DLGAP5: variants seen among roughly 807,000 people sequenced by gnomAD.
DLGAP5 encodes disks large-associated protein 5.
DLGAP5 carries 90 observed loss-of-function variants against 99.6 expected under a neutral mutation model. That is an observed-to-expected ratio of 0.90 (90% CI 0.76 to 1.08). The LOEUF is 1.08. Ranked by LOEUF, DLGAP5 falls within the 50% of genes least tolerant of loss-of-function variation. The pLI is 0.00. For synonymous variants in DLGAP5, 311 were observed against 321.3 expected (o/e 0.97, Z 0.34); for missense variants, 1,036 against 983.5 (o/e 1.05, Z -0.71).
At chr14:55,186,013 G>C (rs1386838267) in intron 2 of DLGAP5, among the ~76,000 whole-genome samples, 8 of 152,212 alleles carry the variant, frequency 5.3e-5, no homozygotes, top group African/African-American at 1.9e-4. Context: ...GCTCACGCCT[G>C]TACTCCTAGC....
chr14:55,178,096 C>G (rs1188676388), intron 7 of DLGAP5, among the ~76,000 whole-genome samples: 1 of 151,136 alleles, frequency 6.6e-6, no homozygotes, highest in Non-Finnish European at 1.5e-5. Flanking sequence ...GCTAAAAATA[C>G]AAAAAATTAT....
intron 14 of DLGAP5, among the ~76,000 whole-genome samples, chr14:55,156,923 G>T (rs1208162044): frequency 6.6e-6 from 1 of 152,114 alleles, no homozygotes; most frequent in Non-Finnish European, 1.5e-5. Context: ...GAAATCTCCA[G>T]GAAGTAGAAG....
chr14:55,181,233 ACTTT>A lies in DLGAP5; in HGVS notation c.556_559del (p.Lys186CysfsTer12). The A allele has an allele frequency of 6.2e-7, 1 of 1,614,052 alleles. No homozygotes were observed. The highest frequency in any genetic ancestry group is 8.5e-7 in the Non-Finnish European group (1 of 1,179,970). ...CCTACCTTTTTTCTCTTTGTCTGACACTTTCTTTTCAGAAGTTTGTCTTGGACCA... is the reference window on the plus strand; with the variant it reads ...CCTACCTTTTTTCTCTTTGTCTGACACTTTTCAGAAGTTTGTCTTGGACCA... On this transcript the variant is annotated frameshift_variant, in exon 5 of 19. Transcript: ENST00000247191. LOFTEE classifies it high-confidence loss of function.
At chr14:55,170,300 T>C (rs909765917) in intron 11 of DLGAP5, among the ~76,000 whole-genome samples, 4 of 150,876 alleles carry the variant, frequency 2.7e-5, no homozygotes, top group African/African-American at 9.9e-5. Flanking sequence ...CTTTTCCATA[T>C]TGATTTAGGT....
rs991090780 is a variant in DLGAP5 at position 55,169,189 on chromosome 14, A to T, written c.1548+210T>A. Among the ~76,000 whole-genome samples, 189 of 151,748 alleles carry T rather than the reference A, an allele frequency of 1.2e-3. 2 individuals carry two copies. Among genetic ancestry groups the T allele is most frequent in the African/African-American group, 4.4e-3 (182 of 41,392 alleles). On this transcript the variant is annotated intron_variant, in intron 12 of 18. Coordinates refer to ENST00000247191, the MANE Select transcript of DLGAP5 (RefSeq NM_014750.5). The stretch of plus-strand genomic sequence containing the variant: ...AGACTCCGTCTCAAAAAAAAAAAAA[A>T]AAAAAAAATTATCCTGAGAATATAT...
At chr14:55,184,460 C>A (rs1883369632) in intron 2 of DLGAP5, among the ~76,000 whole-genome samples, 1 of 152,152 alleles carries the variant, frequency 6.6e-6, no homozygotes, top group Admixed American at 6.5e-5. Flanking sequence ...AATTAATTAA[C>A]TTGTATGATA....
At chr14:55,173,177 G>A (rs1461608120) in intron 10 of DLGAP5, among the ~76,000 whole-genome samples, 16 of 149,578 alleles carry the variant, frequency 1.1e-4, no homozygotes, top group African/African-American at 3.2e-4. Context: ...GCTCATGCCT[G>A]TAATCCTAAC....
At chr14:55,188,814 A>G (rs926724371) in intron 2 of DLGAP5, 128 bp downstream of exon 2, 6 of 667,630 alleles carry the variant, frequency 9.0e-6, no homozygotes, top group African/African-American at 1.9e-5. Flanking sequence ...AAAAAGACCA[A>G]AAAGGAAAGT....
At chr14:55,181,407 CCAA>C (rs974776499) in intron 4 of DLGAP5, 110 bp from the exon 5 acceptor site, 63 of 749,890 alleles carry the variant, frequency 8.4e-5, no homozygotes, top group Middle Eastern at 2.8e-4. Flanking sequence ...CGTAAATGAC[CCAA>C]CAACAACAAC....
At position 55,189,054 on chromosome 14, in the gene DLGAP5, A is replaced by G. The variant is rs1360257297; in HGVS notation, c.126T>C (p.Asn42=). Residue 42 remains asparagine (N), a synonymous_variant, in exon 2 of 19, where the codon AAT becomes AAC. Transcript: ENST00000247191. ...KENRHKEYER[N]RHFGLKDVNI... is the part of the protein sequence containing the mutation. ...TTACATCTTTCAAACCAAAGTGTCT[A>G]TTTCGTTCGTATTCCTTATGTCTAT... 1 of 1,613,926 alleles carries G rather than the reference A, an allele frequency of 6.2e-7. No individual in the cohort carries two copies. Among genetic ancestry groups the G allele is most frequent in the African/African-American group, 1.3e-5 (1 of 75,028 alleles).
Position 55,181,293 on chromosome 14 carries a change from T to C in DLGAP5, c.500A>G (p.Asp167Gly). Residue 167 changes from aspartate (D) to glycine (G), a missense_variant, in exon 5 of 19, where the codon GAT (aspartate) becomes GGT (glycine). Physicochemically the swap from Asp to Gly is moderately conservative, Grantham distance 94 (BLOSUM62 -1). Transcript: ENST00000247191. ...AKDQMEQTKI[D>G]NESDVRAIRP... ...GATTGCTCGAACATCACTCTCGTTA[T>C]CAATCTATTTAAGAGATTAGGTGCT... The C allele has an allele frequency of 6.2e-7, 1 of 1,613,760 alleles. No individual in the cohort carries two copies. Among genetic ancestry groups the C allele is most frequent in the Non-Finnish European group, 8.5e-7 (1 of 1,179,740 alleles).
chr14:55,186,090 G>C (rs1883427701), intron 2 of DLGAP5, among the ~76,000 whole-genome samples: 2 of 152,126 alleles, frequency 1.3e-5, no homozygotes, highest in African/African-American at 4.8e-5. Flanking sequence ...GACCAACATG[G>C]AGAAACCCTG....
At chr14:55,170,522 T>C (rs1443021508) in intron 11 of DLGAP5, among the ~76,000 whole-genome samples, 180 bp downstream of exon 11, 1 of 152,176 alleles carries the variant, frequency 6.6e-6, no homozygotes, top group African/African-American at 2.4e-5. Flanking sequence ...GGAACATATG[T>C]TGAGATATGA....
chr14:55,157,961 C>T (rs1882271027), intron 14 of DLGAP5, among the ~76,000 whole-genome samples: 1 of 152,128 alleles, frequency 6.6e-6, no homozygotes, highest in Admixed American at 6.6e-5. Flanking sequence ...GGGGATCTCA[C>T]TAAATTGCCC....
At chr14:55,159,368 T>C (rs1882332563) in intron 13 of DLGAP5, among the ~76,000 whole-genome samples, 2 of 152,212 alleles carry the variant, frequency 1.3e-5, no homozygotes, top group Non-Finnish European at 2.9e-5. Context: ...TTATTGGTAA[T>C]TTTTAAGCAG....
chr14:55,160,769 T>G (rs1023250212), intron 13 of DLGAP5, among the ~76,000 whole-genome samples: 1 of 152,160 alleles, frequency 6.6e-6, no homozygotes, highest in Non-Finnish European at 1.5e-5. Flanking sequence ...TAAAATTAAG[T>G]GCCTAATAAC....
At chr14:55,160,274 A>G (rs556401173) in intron 13 of DLGAP5, among the ~76,000 whole-genome samples, 1 of 151,470 alleles carries the variant, frequency 6.6e-6, no homozygotes, top group Admixed American at 6.6e-5. Flanking sequence ...ACACGCCTGT[A>G]ATCCCAGCTA....
At chr14:55,169,005 T>C (rs1362222716) in intron 12 of DLGAP5, among the ~76,000 whole-genome samples, 1 of 151,744 alleles carries the variant, frequency 6.6e-6, no homozygotes, top group Non-Finnish European at 1.5e-5. Flanking sequence ...TGAAACTCCG[T>C]CTCTACTAAA....
At chr14:55,155,224 C>T (rs531944183) in intron 14 of DLGAP5, among the ~76,000 whole-genome samples, 1 of 151,410 alleles carries the variant, frequency 6.6e-6, no homozygotes, top group Admixed American at 6.6e-5. Context: ...GAGGTTTCAC[C>T]ATGTTGGCCA....
Sources: allele counts gnomAD v4.1 joint callset (sites outside exome capture counted in the v4.1 genomes callset), GRCh38; gene constraint gnomAD v4.1.1; transcripts MANE v1.5; gene names NCBI Gene and HGNC (gene_info 2026-07-23, HGNC 2026-07-21).